CDH4: variants seen among roughly 807,000 people sequenced by gnomAD.
CDH4 encodes the protein cadherin-4.
A neutral mutation model predicts 86.0 loss-of-function variants in CDH4; 33 were observed. The observed-to-expected ratio is 0.38, with a 90% confidence interval of 0.29 to 0.51. The LOEUF (loss-of-function observed/expected upper bound fraction) is 0.51, where lower values mean the gene tolerates loss of function less well. CDH4 is among the 20% of genes least tolerant of loss of function. The pLI, the probability that CDH4 is intolerant of heterozygous loss-of-function variation, is 0.86. For synonymous variants in CDH4, 555 were observed against 549.4 expected (o/e 1.01, Z -0.14); for missense variants, 1,114 against 1,307.4 (o/e 0.85, Z 2.28).
chr20:61,279,904 A>T (rs142387559), intron 2 of CDH4, among the ~76,000 whole-genome samples: 123 of 152,124 alleles, frequency 8.1e-4, no homozygotes, highest in African/African-American at 2.9e-3. Flanking sequence ...GAAGATACGG[A>T]TACTCGGAGG....
chr20:61,754,716 A>G lies in CDH4; in HGVS notation c.396+10927A>G, dbSNP rs2088539126. The stretch of plus-strand genomic sequence containing the variant: ...ACACAGTGCATGCCACACACACCGC[A>G]CACACACTGCACGCCCCGCACACAC... On this transcript the variant is annotated intron_variant, in intron 3 of 15. Coordinates refer to ENST00000614565, the MANE Select transcript of CDH4 (RefSeq NM_001794.5). This position sits in a 1 kb window ranked among gnomAD's most constrained non-coding sequence, Gnocchi z 4.7. 6.9e-6 allele frequency among the ~76,000 whole-genome samples: 1 copy of G among 145,240 alleles called. No homozygotes were observed. The highest frequency in any genetic ancestry group is 2.0e-4 in the East Asian group (1 of 4,952).
intron 6 of CDH4, among the ~76,000 whole-genome samples, chr20:61,866,395 A>G (rs1398829982): frequency 6.6e-6 from 1 of 152,148 alleles, no homozygotes; most frequent in Non-Finnish European, 1.5e-5. Context: ...TTGTGTATGC[A>G]CAGCTAAACC....
chr20:61,660,294 G>T (rs755642324), intron 2 of CDH4, among the ~76,000 whole-genome samples: 2 of 152,190 alleles, frequency 1.3e-5, no homozygotes, highest in Admixed American at 6.5e-5. Context: ...AGAAACGCCC[G>T]CAAGGCATCT....
intron 2 of CDH4, among the ~76,000 whole-genome samples, chr20:61,346,931 C>T (rs2084682518): frequency 6.6e-6 from 1 of 152,032 alleles, no homozygotes; most frequent in Non-Finnish European, 1.5e-5. Context: ...ATCCCACATT[C>T]CCAGGCAGTT....
intron 3 of CDH4, among the ~76,000 whole-genome samples, chr20:61,755,539 A>G (rs2088554165): frequency 7.1e-6 from 1 of 140,970 alleles, no homozygotes; most frequent in Non-Finnish European, 1.5e-5. Flanking sequence ...CACCATATAC[A>G]CAGTGCATGC....
intron 2 of CDH4, among the ~76,000 whole-genome samples, chr20:61,586,265 G>A (rs1222256707): frequency 6.6e-6 from 1 of 151,850 alleles, no homozygotes; most frequent in African/African-American, 2.4e-5. Flanking sequence ...CATGGTGATG[G>A]TGGTGATGGT....
chr20:61,358,183 A>T (rs1053195744), intron 2 of CDH4, among the ~76,000 whole-genome samples: 10 of 152,154 alleles, frequency 6.6e-5, no homozygotes, highest in Non-Finnish European at 1.0e-4. Context: ...CCTGCACAGA[A>T]ACCTCGAAAC....
intron 2 of CDH4, among the ~76,000 whole-genome samples, chr20:61,379,789 T>G (rs1033779622): frequency 6.6e-6 from 1 of 152,244 alleles, no homozygotes; most frequent in Admixed American, 6.5e-5. Flanking sequence ...AACTGTTCTT[T>G]GTTTCAATTC....
chr20:61,925,745 G>A (rs188691219), intron 11 of CDH4, among the ~76,000 whole-genome samples: 1 of 152,322 alleles, frequency 6.6e-6, no homozygotes, highest in Non-Finnish European at 1.5e-5. Context: ...CCCAGGGGGA[G>A]ATCCGAGACC....
At chr20:61,686,329 GC>G (rs1161385804) in intron 2 of CDH4, among the ~76,000 whole-genome samples, 1 of 152,242 alleles carries the variant, frequency 6.6e-6, no homozygotes, top group Non-Finnish European at 1.5e-5. Flanking sequence ...GAGAGAACAA[GC>G]CCAACTGTGC....
At chr20:61,320,154 C>T (rs1488112681) in intron 2 of CDH4, among the ~76,000 whole-genome samples, 3 of 152,134 alleles carry the variant, frequency 2.0e-5, no homozygotes, top group Admixed American at 6.5e-5. Flanking sequence ...ATTTGGGCCT[C>T]GGTGTTGCTG....
intron 2 of CDH4, among the ~76,000 whole-genome samples, chr20:61,309,535 G>A (rs903862714): frequency 1.3e-5 from 2 of 152,212 alleles, no homozygotes; most frequent in South Asian, 2.1e-4. Context: ...GTGGATATGG[G>A]GTTGAGAACA....
intron 6 of CDH4, among the ~76,000 whole-genome samples, chr20:61,865,056 C>T (rs1983485362): frequency 6.6e-6 from 1 of 152,176 alleles, no homozygotes; most frequent in Non-Finnish European, 1.5e-5. Context: ...TCTGTGTGCG[C>T]CCAGACCTCA....
intron 4 of CDH4, among the ~76,000 whole-genome samples, chr20:61,836,625 C>G (rs2146089143): frequency 6.6e-6 from 1 of 152,322 alleles, no homozygotes; most frequent in African/African-American, 2.4e-5. Context: ...ATACAAACAT[C>G]TTCAAACCTC....
chr20:61,903,540 TAAA>T (rs60370683), intron 8 of CDH4, among the ~76,000 whole-genome samples: 2 of 90,886 alleles, frequency 2.2e-5, no homozygotes, highest in African/African-American at 9.5e-5. Context: ...AGAGACTCCA[TAAA>T]AAAAAAAAAA....
chr20:61,419,578 AC>A lies in CDH4; in HGVS notation c.169+164643del, dbSNP rs1203677564. Among the ~76,000 whole-genome samples the A allele has an allele frequency of 7.9e-5, 12 of 152,162 alleles. No individual in the cohort carries two copies. The East Asian group carries it at 2.3e-3, about 29-fold the overall frequency. ...CCAGGCCAGCCACAGCGGAGTTTCC[AC>A]CAGGAAGGTTCTGGCCCTGTCTGCC... On this transcript the variant is annotated intron_variant, in intron 2 of 15. Transcript: ENST00000614565.
intron 2 of CDH4, among the ~76,000 whole-genome samples, chr20:61,453,513 G>A (rs1179242900): frequency 6.6e-6 from 1 of 152,150 alleles, no homozygotes; most frequent in Non-Finnish European, 1.5e-5. Context: ...AGGTCCTCAG[G>A]AGTAAAGGAT....
At chr20:61,600,828 TA>T (rs547320065) in intron 2 of CDH4, among the ~76,000 whole-genome samples, 232 of 152,364 alleles carry the variant, frequency 1.5e-3, no homozygotes, top group African/African-American at 5.1e-3. Flanking sequence ...TGTCACTTCA[TA>T]TTTTTTTAAA....
intron 2 of CDH4, among the ~76,000 whole-genome samples, chr20:61,659,062 A>G (rs547355037): frequency 1.3e-5 from 2 of 152,310 alleles, no homozygotes; most frequent in African/African-American, 2.4e-5. Flanking sequence ...GTAGCTCCCA[A>G]TCAGTCTAAC....
Sources: gnomAD v4.1 joint callset for allele counts (sites outside exome capture counted in the v4.1 genomes callset) on GRCh38, gnomAD v4.1.1 for gene constraint, Gnocchi (gnomAD v3.1) non-coding constraint, MANE v1.5 for transcripts, NCBI Gene and HGNC (gene_info 2026-07-23, HGNC 2026-07-21) for gene names.